Variants in LNPK observed in about 807,000 individuals in gnomAD.
LNPK encodes the protein endoplasmic reticulum junction formation protein lunapark.
LNPK carries 29 observed loss-of-function variants against 55.2 expected under a neutral mutation model. The ratio of observed to expected loss-of-function variants is 0.53; its 90% CI spans 0.39 to 0.72. The LOEUF is 0.72. Ranked by LOEUF, LNPK falls within the 30% of genes least tolerant of loss-of-function variation. LNPK has a pLI of 0.00. For synonymous variants in LNPK, 162 were observed against 168.2 expected, an observed-to-expected ratio of 0.96 and a Z score of 0.29; for missense variants, 467 against 494.8, an observed-to-expected ratio of 0.94 and a Z score of 0.53.
At chr2:175,942,670 A>C (rs1684910262) in intron 9 of LNPK, among the ~76,000 whole-genome samples, 1 of 151,860 alleles carries the variant, frequency 6.6e-6, no homozygotes, top group African/African-American at 2.4e-5. Context: ...ATATGCAGCT[A>C]AAGCAATACT....
intron 4 of LNPK, among the ~76,000 whole-genome samples, chr2:175,990,951 T>C (rs1444936126): frequency 6.6e-6 from 1 of 152,112 alleles, no homozygotes; most frequent in Admixed American, 6.5e-5. Flanking sequence ...TTGAAGAAAT[T>C]ACATTTTTAA....
Position 175,927,799 on chromosome 2 carries a change from T to C in LNPK, c.*2168A>G, listed in dbSNP as rs1559016529. 1 of 146,068 alleles carries C rather than the reference T, an allele frequency of 6.8e-6. No homozygotes were observed. The allele number at this position is 146,068 out of a possible 1,614,324, so 9.0% of individuals were successfully genotyped here. ...CTGTTTATTATAATAATAATGAAAATAAGCTTTTGTATCTAAAAGGATACT... is the reference window on the plus strand; with the variant it reads ...CTGTTTATTATAATAATAATGAAAACAAGCTTTTGTATCTAAAAGGATACT... On this transcript the variant is annotated 3_prime_UTR_variant, in exon 13 of 13. Transcript: ENST00000272748.
chr2:175,958,166 C>T (rs4560081), intron 8 of LNPK, among the ~76,000 whole-genome samples: 20,543 of 152,286 alleles, frequency 0.13, 1,767 homozygotes, highest in Non-Finnish European at 0.2. Flanking sequence ...GAAACTTCTG[C>T]AGACTTAAAA....
intron 6 of LNPK, among the ~76,000 whole-genome samples, chr2:175,965,766 G>A (rs1210174616): frequency 6.6e-6 from 1 of 150,662 alleles, no homozygotes; most frequent in Non-Finnish European, 1.5e-5. Flanking sequence ...CTTTTCTGAT[G>A]TAAAGGAGAT....
chr2:175,993,439 G>T (rs139803170), intron 2 of LNPK, among the ~76,000 whole-genome samples: 154 of 152,264 alleles, frequency 1.0e-3, no homozygotes, highest in African/African-American at 3.3e-3. Flanking sequence ...CTACTTAACT[G>T]TTTTAATCCT....
intron 1 of LNPK, among the ~76,000 whole-genome samples, chr2:176,000,321 A>G (rs1445132862): frequency 1.3e-5 from 2 of 152,100 alleles, no homozygotes; most frequent in African/African-American, 2.4e-5. Flanking sequence ...TGCATTTGCA[A>G]AATGGTAAAA....
At chr2:176,001,281 T>G (rs984545806) in intron 1 of LNPK, among the ~76,000 whole-genome samples, 4 of 152,046 alleles carry the variant, frequency 2.6e-5, no homozygotes, top group African/African-American at 9.7e-5. Flanking sequence ...ATAGAGTCAA[T>G]TTTGTCAATG....
intron 8 of LNPK, among the ~76,000 whole-genome samples, chr2:175,951,100 T>G (rs1420915640): frequency 6.6e-6 from 1 of 152,118 alleles, no homozygotes; most frequent in Non-Finnish European, 1.5e-5. Flanking sequence ...TTTATCAGAT[T>G]TTTTAAATAC....
At chr2:175,989,768 T>C (rs1342955383) in intron 4 of LNPK, among the ~76,000 whole-genome samples, 1 of 152,150 alleles carries the variant, frequency 6.6e-6, no homozygotes, top group Non-Finnish European at 1.5e-5. Context: ...AAATATACTA[T>C]TGAATCTGAA....
At chr2:175,947,190 A>G (rs1685173453) in intron 9 of LNPK, among the ~76,000 whole-genome samples, 1 of 152,214 alleles carries the variant, frequency 6.6e-6, no homozygotes, top group Non-Finnish European at 1.5e-5. Context: ...TCTAAAGTTG[A>G]ATATAAAAAG....
At chr2:175,940,878 C>T (rs1188328465) in intron 9 of LNPK, 1 of 361,972 alleles carries the variant, frequency 2.8e-6, no homozygotes, top group Admixed American at 3.9e-5. Flanking sequence ...AAAAAAAATC[C>T]ACAGATTATG....
At chr2:175,986,694 T>A (rs1371742649) in intron 4 of LNPK, among the ~76,000 whole-genome samples, 6 of 151,778 alleles carry the variant, frequency 4.0e-5, no homozygotes, top group Non-Finnish European at 3.0e-5. Context: ...TCATATGGTA[T>A]CTCCATAGAT....
At chr2:175,954,112 C>T (rs1006028168) in intron 8 of LNPK, among the ~76,000 whole-genome samples, 7 of 152,226 alleles carry the variant, frequency 4.6e-5, no homozygotes, top group African/African-American at 1.7e-4. Flanking sequence ...GTAATTTGTG[C>T]CTATCTTCAT....
At chr2:175,963,800 A>G (rs991774594) in intron 8 of LNPK, among the ~76,000 whole-genome samples, 1 of 152,064 alleles carries the variant, frequency 6.6e-6, no homozygotes, top group Non-Finnish European at 1.5e-5. Flanking sequence ...GGAATATTTT[A>G]TGTAACCACT....
intron 6 of LNPK, among the ~76,000 whole-genome samples, chr2:175,965,871 A>G (rs1686307037): frequency 6.6e-6 from 1 of 152,136 alleles, no homozygotes; most frequent in South Asian, 2.1e-4. Flanking sequence ...AACATAATCT[A>G]CATGGAATAT....
chr2:175,964,627 AAC>A (rs1415131138), intron 6 of LNPK, 38 bp from the exon 7 acceptor site: 7 of 1,051,374 alleles, frequency 6.7e-6, no homozygotes, highest in Non-Finnish European at 1.0e-5. Flanking sequence ...CACACTTCAA[AAC>A]ACACACTACT....
At chr2:175,966,743 G>C (rs1435998667) in intron 6 of LNPK, among the ~76,000 whole-genome samples, 1 of 152,184 alleles carries the variant, frequency 6.6e-6, no homozygotes, top group Admixed American at 6.5e-5. Flanking sequence ...CAAAGAACAT[G>C]AATTTGAAAC....
intron 4 of LNPK, among the ~76,000 whole-genome samples, chr2:175,987,070 CA>C (rs1687455349): frequency 6.6e-6 from 1 of 150,728 alleles, no homozygotes; most frequent in Non-Finnish European, 1.5e-5. Flanking sequence ...AAGAATCAAC[CA>C]AAAAAATTAT....
rs542622551 is a variant in LNPK at position 175,992,424 on chromosome 2, A to G, written c.70-6T>C. 4.2e-4 allele frequency: 625 copies of G among 1,471,036 alleles called. 12 individuals carry two copies. The South Asian group carries it at 8.1e-3, about 19-fold the overall frequency. 91.1% of individuals were successfully genotyped at this position (1,471,036 alleles called of 1,614,324 possible). A position where few individuals can be genotyped will look rare whatever the true frequency, so the allele number is the denominator to read the frequency against. On this transcript the variant is annotated splice_polypyrimidine_tract_variant and splice_region_variant and intron_variant, in intron 3 of 12. Transcript: ENST00000272748. ...TCTTCCAATGCTTGAATTTCCTGTT[A>G]AGAGAAAATTATTCCATGTTAGTAA...
Sources: allele counts gnomAD v4.1 joint callset (sites outside exome capture counted in the v4.1 genomes callset), GRCh38; gene constraint gnomAD v4.1.1; transcripts MANE v1.5; gene names NCBI Gene and HGNC (gene_info 2026-07-23, HGNC 2026-07-21).